Variants in PCDHGB5 observed in about 807,000 individuals in gnomAD.
The protein encoded by PCDHGB5 is protocadherin gamma subfamily B, 5.
In PCDHGB5, 48 loss-of-function variants were observed where a neutral mutation model predicts 62.9. The observed-to-expected ratio is 0.76, with a 90% CI of 0.61 to 0.97. PCDHGB5 has a LOEUF of 0.97. Among genes scored for constraint, PCDHGB5 ranks in the 50% least tolerant of loss-of-function variants. The pLI is 0.00. For synonymous variants in PCDHGB5, 474 were observed against 511.2 expected, an observed-to-expected ratio of 0.93 and a Z score of 0.98; for missense variants, 1,118 against 1,198.6, an observed-to-expected ratio of 0.93 and a Z score of 0.99.
intron 2 of PCDHGB5, among the ~76,000 whole-genome samples, chr5:141,499,689 CTTTTTT>C (rs545067566): frequency 3.3e-5 from 4 of 119,854 alleles, no homozygotes; most frequent in Admixed American, 8.7e-5. Flanking sequence ...TAACAGATGA[CTTTTTT>C]TTTTTTTTTT....
intron 1 of PCDHGB5, chr5:141,422,139 A>G (rs2096627272): frequency 6.3e-7 from 1 of 1,588,154 alleles, no homozygotes. Context: ...AAGTTCAAGT[A>G]CGGGGGTCTC....
At chr5:141,474,241 G>A (rs1367530484) in intron 1 of PCDHGB5, among the ~76,000 whole-genome samples, 8 of 151,928 alleles carry the variant, frequency 5.3e-5, no homozygotes, top group East Asian at 1.9e-4. Context: ...TGCTGAATAG[G>A]GGAAAAAAAG....
intron 1 of PCDHGB5, among the ~76,000 whole-genome samples, chr5:141,475,299 T>C (rs1227132122): frequency 6.6e-6 from 1 of 152,204 alleles, no homozygotes; most frequent in Non-Finnish European, 1.5e-5. Context: ...AAATTTCTTA[T>C]TGCTCCCTGG....
chr5:141,475,721 G>C (rs867365261), intron 1 of PCDHGB5, among the ~76,000 whole-genome samples: 5 of 152,248 alleles, frequency 3.3e-5, no homozygotes, highest in Non-Finnish European at 7.3e-5. Context: ...ACAGCCCCAA[G>C]GCTGGCTTTC....
At chr5:141,483,425 G>A (rs1460083757) in intron 1 of PCDHGB5, among the ~76,000 whole-genome samples, 1 of 152,116 alleles carries the variant, frequency 6.6e-6, no homozygotes, top group Non-Finnish European at 1.5e-5. Flanking sequence ...ACAGATGGAG[G>A]GAGCTGACTA....
Position 141,485,227 on chromosome 5 carries a change from G to T in PCDHGB5, c.2398-9580G>T. Reference sequence around the variant, plus strand: ...AAATCTGGCGGTGGGCTACCCTTTTGTTCCTCTTTTACCACCTGGGTTACG... The same window carrying T: ...AAATCTGGCGGTGGGCTACCCTTTTTTTCCTCTTTTACCACCTGGGTTACG... On this transcript the variant is annotated intron_variant, in intron 1 of 3. Transcript: ENST00000617380. The surrounding 1 kb of genome is among the most constrained non-coding windows in gnomAD (Gnocchi z 5.7). The T allele has an allele frequency of 6.2e-7, 1 of 1,614,186 alleles. No individual in the cohort carries two copies. Among genetic ancestry groups the T allele is most frequent in the Non-Finnish European group, 8.5e-7 (1 of 1,180,020 alleles).
At chr5:141,412,163 T>G (rs1005929326) in intron 1 of PCDHGB5, 13 of 152,240 alleles carry the variant, frequency 8.5e-5, no homozygotes, top group African/African-American at 2.9e-4. Flanking sequence ...GAGAAGAGAT[T>G]ATTTATACTG....
chr5:141,415,496 T>C, intron 1 of PCDHGB5: 1 of 1,614,070 alleles, frequency 6.2e-7, no homozygotes. Flanking sequence ...CACCTGATCT[T>C]CCCCCAGCCC....
rs2099730037 is a variant in PCDHGB5 at position 141,491,783 on chromosome 5, A to G, written c.2398-3024A>G. The G allele has an allele frequency of 1.3e-6, 2 of 1,539,618 alleles. No homozygotes were observed. The highest frequency in any genetic ancestry group is 2.2e-5 in the Admixed American group (1 of 46,412). On this transcript the variant is annotated intron_variant, in intron 1 of 3. Transcript: ENST00000617380. The surrounding 1 kb of genome is among the most constrained non-coding windows in gnomAD (Gnocchi z 6.9). ...CGTCCTCATAAGGGATTGAACTTGC[A>G]TCCACTCCTCTCCGGCCGGCTTGGT...
chr5:141,406,732 G>A (rs1190275382), intron 1 of PCDHGB5, among the ~76,000 whole-genome samples: 1 of 152,142 alleles, frequency 6.6e-6, no homozygotes, highest in Non-Finnish European at 1.5e-5. Context: ...TCTAAGACTG[G>A]ACACTGTGAA....
intron 1 of PCDHGB5, chr5:141,410,397 G>A (rs1338071222): frequency 1.9e-6 from 3 of 1,613,930 alleles, no homozygotes; most frequent in South Asian, 1.1e-5. Context: ...CCTGGTCTCT[G>A]TGTCAAGTCT....
intron 1 of PCDHGB5, among the ~76,000 whole-genome samples, chr5:141,406,576 A>T (rs909778588): frequency 8.5e-5 from 13 of 152,222 alleles, no homozygotes; most frequent in Non-Finnish European, 8.8e-5. Context: ...CTAGTAAACC[A>T]ATTTTTTCCC....
intron 1 of PCDHGB5, chr5:141,415,519 A>T: frequency 1.9e-6 from 3 of 1,614,182 alleles, no homozygotes; most frequent in Non-Finnish European, 2.5e-6. Context: ...TTATGCGGAC[A>T]CGCTCATCAG....
At chr5:141,461,501 T>G (rs113852528) in intron 1 of PCDHGB5, among the ~76,000 whole-genome samples, 1 of 152,310 alleles carries the variant, frequency 6.6e-6, no homozygotes, top group South Asian at 2.1e-4. Flanking sequence ...TTATTTTTCT[T>G]GGTGATTTGT....
In PCDHGB5 at chr5:141,489,291, C is replaced by A; in HGVS notation, c.2398-5516C>A. ...TCGCTGGGAAATGGCAAGTGCTGTG[C>A]ATGTTGTCCTTGTGCTGCTGGGGCT... is the stretch of plus-strand genomic sequence containing the variant. On this transcript the variant is annotated intron_variant, in intron 1 of 3. Transcript: ENST00000617380. This position sits in a 1 kb window ranked among gnomAD's most constrained non-coding sequence, Gnocchi z 4.5. 6.3e-7 allele frequency: 1 copy of A among 1,577,628 alleles called. No homozygotes were observed. The highest frequency in any genetic ancestry group is 8.6e-7 in the Non-Finnish European group (1 of 1,161,994).
rs1456451105 is a variant in PCDHGB5 at position 141,477,377 on chromosome 5, C to T, written c.2398-17430C>T. Reference sequence around the variant, plus strand: ...TGCAGACCTGGATCGGGAGACTGTGCCAGAATACAACCTCAGCATCACCGC... The same window carrying T: ...TGCAGACCTGGATCGGGAGACTGTGTCAGAATACAACCTCAGCATCACCGC... On this transcript the variant is annotated intron_variant, in intron 1 of 3. Coordinates refer to ENST00000617380, the MANE Select transcript of PCDHGB5 (RefSeq NM_018925.3). This position sits in a 1 kb window ranked among gnomAD's most constrained non-coding sequence, Gnocchi z 4.9. 1 of 1,614,144 alleles carries T rather than the reference C, an allele frequency of 6.2e-7. No homozygotes were observed. Among genetic ancestry groups the T allele is most frequent in the South Asian group, 1.1e-5 (1 of 91,080 alleles).
chr5:141,413,217 C>A (rs762828191), intron 1 of PCDHGB5: 8 of 1,613,184 alleles, frequency 5.0e-6, no homozygotes, highest in African/African-American at 1.3e-5. Context: ...CAAAGGATTG[C>A]AGCGGGCTGG....
In PCDHGB5 at chr5:141,477,967, C is replaced by A; in HGVS notation, c.2398-16840C>A. The A allele has an allele frequency of 6.2e-7, 1 of 1,614,150 alleles. No individual in the cohort carries two copies. Among genetic ancestry groups the A allele is most frequent in the Non-Finnish European group, 8.5e-7 (1 of 1,180,032 alleles). On this transcript the variant is annotated intron_variant, in intron 1 of 3. Transcript: ENST00000617380. The surrounding 1 kb of genome is among the most constrained non-coding windows in gnomAD (Gnocchi z 4.9). ...GTCTCTTGGGATCCCCTAACCAGAG[C>A]CTTTTTGCCATAGGGCTGCACACTG...
intron 1 of PCDHGB5, chr5:141,421,860 C>G: frequency 8.1e-6 from 13 of 1,613,750 alleles, no homozygotes; most frequent in Non-Finnish European, 1.1e-5. Context: ...CTCACCTGCT[C>G]CTCCTCACAG....
Sources: gnomAD v4.1 joint callset for allele counts (sites outside exome capture counted in the v4.1 genomes callset) on GRCh38, gnomAD v4.1.1 for gene constraint, Gnocchi (gnomAD v3.1) non-coding constraint, MANE v1.5 for transcripts, NCBI Gene and HGNC (gene_info 2026-07-23, HGNC 2026-07-21) for gene names.